PDAP1: variants seen among roughly 807,000 people sequenced by gnomAD.
The protein encoded by PDAP1 is 28 kDa heat- and acid-stable phosphoprotein.
In PDAP1, 13 loss-of-function variants were observed where a neutral mutation model predicts 28.0. That is an observed-to-expected ratio of 0.46 (90% CI 0.30 to 0.74). The LOEUF (loss-of-function observed/expected upper bound fraction) is 0.74, where lower values mean the gene tolerates loss of function less well. PDAP1 is among the 30% of genes least tolerant of loss of function. PDAP1 has a pLI of 0.07. For synonymous variants in PDAP1, 77 were observed against 85.1 expected, an observed-to-expected ratio of 0.91 and a Z score of 0.52; for missense variants, 150 against 230.0, an observed-to-expected ratio of 0.65 and a Z score of 2.25.
intron 3 of PDAP1, among the ~76,000 whole-genome samples, chr7:99,402,573 C>CAAA (rs58448407): frequency 9.2e-4 from 52 of 56,626 alleles, no homozygotes; most frequent in African/African-American, 2.0e-3. Flanking sequence ...GACCCTGTCT[C>CAAA]AAAAAAAAAA....
Position 99,400,288 on chromosome 7 carries a change from AG to A in PDAP1, c.335+14del. On this transcript the variant is annotated intron_variant, in intron 4 of 5. Coordinates refer to ENST00000350498, the MANE Select transcript of PDAP1 (RefSeq NM_014891.7). ...CTGTATTCCCCGTGACACAAGGCCC[AG>A]CCAGTGATGTTACCGTTCTCTCCTC... is the stretch of plus-strand genomic sequence containing the variant. The A allele has an allele frequency of 6.2e-7, 1 of 1,612,980 alleles. No individual in the cohort carries two copies. Among genetic ancestry groups the A allele is most frequent in the Non-Finnish European group, 8.5e-7 (1 of 1,179,786 alleles).
At chr7:99,406,517 A>G (rs529906537) in intron 1 of PDAP1, 2 of 952,096 alleles carry the variant, frequency 2.1e-6, no homozygotes, top group Non-Finnish European at 2.5e-6. Flanking sequence ...TACACAGTCT[A>G]AAAGTTAAAA....
At position 99,400,453 on chromosome 7, in the gene PDAP1, G is replaced by C. The variant is rs368903944; in HGVS notation, c.214-29C>G. 5.0e-4 allele frequency: 809 copies of C among 1,613,678 alleles called. 7 individuals are homozygous for C. The South Asian group carries it at 5.2e-3, about 10-fold the overall frequency. On this transcript the variant is annotated intron_variant, in intron 3 of 5. Coordinates refer to ENST00000350498, the MANE Select transcript of PDAP1 (RefSeq NM_014891.7). ...GAACAGGGCAAGAAGCTGGTTGTTG[G>C]AGTTCAGGTCCTGTGGAGCCCCTGA...
chr7:99,401,032 T>C (rs1446024541), intron 3 of PDAP1, among the ~76,000 whole-genome samples: 1 of 152,066 alleles, frequency 6.6e-6, no homozygotes, highest in African/African-American at 2.4e-5. Context: ...TTGGTCAAAG[T>C]TTCAGGCCCT....
chr7:99,403,055 C>T (rs917977859), intron 3 of PDAP1, among the ~76,000 whole-genome samples: 6 of 152,098 alleles, frequency 3.9e-5, no homozygotes, highest in African/African-American at 1.4e-4. Flanking sequence ...TTATTCCCAC[C>T]ACAGGACCTT....
intron 4 of PDAP1, among the ~76,000 whole-genome samples, chr7:99,398,897 T>G (rs1362723192): frequency 6.6e-6 from 1 of 152,192 alleles, no homozygotes; most frequent in Non-Finnish European, 1.5e-5. Context: ...TGGGAATAAT[T>G]GCTGGGCTCC....
chr7:99,396,495 T>TCC lies in PDAP1; in HGVS notation c.*185_*186dup. The TCC allele has an allele frequency of 2.8e-6, 1 of 352,390 alleles. No individual in the cohort carries two copies. Among genetic ancestry groups the TCC allele is most frequent in the Non-Finnish European group, 5.3e-6 (1 of 189,468 alleles). The allele number at this position is 352,390 out of a possible 1,614,324, so 21.8% of individuals were successfully genotyped here. ...CTGTCTCAAAGATAGCAGCTACCCC[T>TCC]CCCCCAGTCCCCCCCCCCATCCCCC... On this transcript the variant is annotated 3_prime_UTR_variant, in exon 6 of 6. Transcript: ENST00000350498.
intron 3 of PDAP1, among the ~76,000 whole-genome samples, chr7:99,400,727 C>A (rs1216859250): frequency 6.6e-6 from 1 of 152,178 alleles, no homozygotes; most frequent in Non-Finnish European, 1.5e-5. Flanking sequence ...GCACTACTCC[C>A]CTACTTCAAG....
In PDAP1 at chr7:99,395,210, T is replaced by G. The variant is rs568247553; in HGVS notation, c.*1472A>C. 6.6e-6 allele frequency: 1 copy of G among 152,156 alleles called. No individual in the cohort carries two copies. The highest frequency in any genetic ancestry group is 1.5e-5 in the Non-Finnish European group (1 of 68,086). The allele number at this position is 152,156 out of a possible 1,614,324, so 9.4% of individuals were successfully genotyped here. A position where few individuals can be genotyped will look rare whatever the true frequency, so the allele number is the denominator to read the frequency against. On this transcript the variant is annotated 3_prime_UTR_variant, in exon 6 of 6. Transcript: ENST00000350498. ...CGTCACCCAGGCTGGAGTGCAGTTG[T>G]GCGTTCTCAGCTCACTGCCACCTCT...
In PDAP1 at chr7:99,404,886, C is replaced by A; in HGVS notation, c.81G>T (p.Leu27=). 1 of 1,613,014 alleles carries A rather than the reference C, an allele frequency of 6.2e-7. No individual in the cohort carries two copies. ...CCCTGGCCTTCTGCTTCTCAGCCTG[C>A]AGCTGCGCGTCGATCTCCTCAGGGC... ...YTSPEEIDAQ[L]QAEKQKAREE... Residue 27 remains leucine (L), a synonymous_variant, in exon 2 of 6, where the codon CTG becomes CTT. Coordinates refer to ENST00000350498, the MANE Select transcript of PDAP1 (RefSeq NM_014891.7).
Position 99,396,318 on chromosome 7 carries a change from G to A in PDAP1, c.*364C>T, listed in dbSNP as rs1794758812. 1 of 344,916 alleles carries A rather than the reference G, an allele frequency of 2.9e-6. No individual in the cohort carries two copies. The highest frequency in any genetic ancestry group is 5.6e-6 in the Non-Finnish European group (1 of 179,036). 21.4% of individuals were successfully genotyped at this position (344,916 alleles called of 1,614,324 possible). A position where few individuals can be genotyped will look rare whatever the true frequency, so the allele number is the denominator to read the frequency against. On this transcript the variant is annotated 3_prime_UTR_variant, in exon 6 of 6. Transcript: ENST00000350498. The stretch of plus-strand genomic sequence containing the variant: ...GCAAACCTGTCAGCAGCTGCCTCCT[G>A]GGACAACCACCCCCTTACATGCTAT...
At chr7:99,398,307 G>GA (rs1794803448) in intron 4 of PDAP1, among the ~76,000 whole-genome samples, 1 of 152,230 alleles carries the variant, frequency 6.6e-6, no homozygotes, top group African/African-American at 2.4e-5. Flanking sequence ...TCATGATCAG[G>GA]CTCTGGCGGC....
chr7:99,394,946 G>GA lies in PDAP1; in HGVS notation c.*1735dup. ...CCAAGTAGCTGGGACTCCAGGGAGA[G>GA]ATTGGTGTTTGCACGGCCATAGGTA... On this transcript the variant is annotated 3_prime_UTR_variant, in exon 6 of 6. Coordinates refer to ENST00000350498, the MANE Select transcript of PDAP1 (RefSeq NM_014891.7). The GA allele has an allele frequency of 1.6e-6, 1 of 620,046 alleles. No homozygotes were observed. The highest frequency in any genetic ancestry group is 2.2e-6 in the Non-Finnish European group (1 of 452,052). The allele number at this position is 620,046 out of a possible 1,614,324, so 38.4% of individuals were successfully genotyped here.
chr7:99,402,228 C>CAAAA (rs765074891), intron 3 of PDAP1, among the ~76,000 whole-genome samples: 15 of 47,160 alleles, frequency 3.2e-4, no homozygotes, highest in African/African-American at 6.1e-4. Flanking sequence ...CTCCATCTCC[C>CAAAA]AAAAAAAAAA....
chr7:99,401,563 G>A (rs375246092), intron 3 of PDAP1, among the ~76,000 whole-genome samples: 1 of 152,102 alleles, frequency 6.6e-6, no homozygotes, highest in East Asian at 1.9e-4. Context: ...GACCTCAGGT[G>A]ATCCGCCCGC....
intron 1 of PDAP1, among the ~76,000 whole-genome samples, chr7:99,407,758 T>C (rs1021226587): frequency 6.6e-6 from 1 of 152,078 alleles, no homozygotes; most frequent in South Asian, 2.1e-4. Flanking sequence ...GGACTATCGA[T>C]TCTAAAGGGG....
intron 2 of PDAP1, 128 bp downstream of exon 2, chr7:99,404,734 T>C: frequency 1.5e-6 from 1 of 651,298 alleles, no homozygotes. Context: ...TGGGGCTCAC[T>C]GCCCGCCCGA....
At chr7:99,404,177 G>A (rs925064014) in intron 2 of PDAP1, among the ~76,000 whole-genome samples, 1 of 152,140 alleles carries the variant, frequency 6.6e-6, no homozygotes, top group Non-Finnish European at 1.5e-5. Context: ...AGCTGGATGT[G>A]GCCTTTCCCT....
intron 1 of PDAP1, among the ~76,000 whole-genome samples, chr7:99,405,685 G>A (rs1047898977): frequency 2.0e-5 from 3 of 152,014 alleles, no homozygotes; most frequent in African/African-American, 4.8e-5. Flanking sequence ...GTTGATCCTC[G>A]GAACAAACCT....
Sources: gnomAD v4.1 joint callset for allele counts (sites outside exome capture counted in the v4.1 genomes callset) on GRCh38, gnomAD v4.1.1 for gene constraint, MANE v1.5 for transcripts, NCBI Gene and HGNC (gene_info 2026-07-23, HGNC 2026-07-21) for gene names.